The following CDC25C variants were observed in gnomAD, a reference collection of about 807,000 sequenced individuals.
CDC25C encodes the protein cell division cycle 25C.
CDC25C carries 48 observed loss-of-function variants against 52.5 expected under a neutral mutation model. That is an observed-to-expected ratio of 0.91 (90% CI 0.72 to 1.16). The LOEUF (loss-of-function observed/expected upper bound fraction) is 1.16, where lower values mean the gene tolerates loss of function less well. Among genes scored for constraint, CDC25C ranks in the 50% most tolerant of loss-of-function variants. CDC25C has a pLI of 0.00. For synonymous variants in CDC25C, 187 were observed against 206.5 expected (o/e 0.91, Z 0.81); for missense variants, 510 against 566.1 (o/e 0.90, Z 1.01).
At chr5:138,332,056 G>A (rs1229506637), upstream of CDC25C, 1 of 231,664 alleles carries the variant, frequency 4.3e-6, no homozygotes, top group East Asian at 1.8e-4. Flanking sequence ...TCCGCCTCAC[G>A]GGGAGCCTGG....
At chr5:138,327,780 A>G (rs1760011318) in intron 4 of CDC25C, among the ~76,000 whole-genome samples, 1 of 152,248 alleles carries the variant, frequency 6.6e-6, no homozygotes, top group South Asian at 2.1e-4. Flanking sequence ...AATGAAGTTA[A>G]AAAAAACTTG....
chr5:138,292,533 G>GGACATT, intron 7 of CDC25C, among the ~76,000 whole-genome samples: 1 of 146,334 alleles, frequency 6.8e-6, no homozygotes, highest in Non-Finnish European at 1.5e-5. Flanking sequence ...TGGGATCCTA[G>GGACATT]GACATTGACA....
intron 7 of CDC25C, among the ~76,000 whole-genome samples, chr5:138,296,322 A>T (rs1382474092): frequency 1.3e-5 from 2 of 151,474 alleles, no homozygotes; most frequent in East Asian, 1.9e-4. Flanking sequence ...TGCAACCTCT[A>T]CCTCCTGAGT....
intron 7 of CDC25C, among the ~76,000 whole-genome samples, chr5:138,307,950 T>TAGATTCTC (rs1758151218): frequency 6.6e-6 from 1 of 152,132 alleles, no homozygotes; most frequent in South Asian, 2.1e-4. Context: ...AGGCATTAGT[T>TAGATTCTC]AGATTCTCAG....
At chr5:138,322,102 C>G (rs934160432) in intron 6 of CDC25C, among the ~76,000 whole-genome samples, 2 of 144,740 alleles carry the variant, frequency 1.4e-5, no homozygotes, top group Non-Finnish European at 3.0e-5. Flanking sequence ...CCCGGGTTCA[C>G]GCCATTCTCC....
chr5:138,330,475 C>T (rs771299800), intron 2 of CDC25C, among the ~76,000 whole-genome samples: 1 of 152,130 alleles, frequency 6.6e-6, no homozygotes, highest in Admixed American at 6.6e-5. Flanking sequence ...CTCACAAGAT[C>T]CTAGTAAGAT....
intron 7 of CDC25C, among the ~76,000 whole-genome samples, chr5:138,316,343 G>T (rs1011011013): frequency 2.6e-5 from 4 of 152,176 alleles, no homozygotes; most frequent in African/African-American, 7.2e-5. Flanking sequence ...CTGCCACCTT[G>T]ACCCCCTCTA....
intron 1 of CDC25C, chr5:138,337,478 A>C (rs3756766): frequency 0.7 from 109,374 of 155,426 alleles, 38,957 homozygotes; most frequent in East Asian, 0.86. Context: ...ACCTCCCCCC[A>C]GGCAAACGCA....
rs1759144652 is a variant in CDC25C, at chr5:138,319,206, C to G, written c.615+13G>C. The stretch of plus-strand genomic sequence containing the variant: ...TATGAAGAATACAAAGATACTACCA[C>G]AGAACACTTTACCTTTGCTTCTTGA... On this transcript the variant is annotated intron_variant, in intron 7 of 13. Transcript: ENST00000323760. 1 of 1,604,056 alleles carries G rather than the reference C, an allele frequency of 6.2e-7. No individual in the cohort carries two copies. The highest frequency in any genetic ancestry group is 8.5e-7 in the Non-Finnish European group (1 of 1,172,550).
intron 7 of CDC25C, among the ~76,000 whole-genome samples, chr5:138,302,000 C>T (rs1485359524): frequency 6.8e-6 from 1 of 146,576 alleles, no homozygotes; most frequent in African/African-American, 2.5e-5. Flanking sequence ...TCACTGTGCC[C>T]GGCCTTTTTA....
intron 7 of CDC25C, among the ~76,000 whole-genome samples, chr5:138,300,006 T>C (rs1039638180): frequency 1.7e-4 from 26 of 152,142 alleles, no homozygotes; most frequent in African/African-American, 6.3e-4. Context: ...ATGAGACCAC[T>C]TAGATGAAAT....
chr5:138,299,347 T>G (rs1757461821), intron 7 of CDC25C, among the ~76,000 whole-genome samples: 1 of 149,508 alleles, frequency 6.7e-6, no homozygotes, highest in Non-Finnish European at 1.5e-5. Flanking sequence ...AATACAAAAA[T>G]TAGCCAGGCG....
chr5:138,337,906 G>C (rs1475053650), intron 1 of CDC25C: 1 of 1,236,416 alleles, frequency 8.1e-7, no homozygotes, highest in Non-Finnish European at 1.1e-6. Flanking sequence ...GTGGGAGGCT[G>C]CAGTTGGGCC....
At chr5:138,317,186 T>C (rs931173109) in intron 7 of CDC25C, among the ~76,000 whole-genome samples, 2 of 151,582 alleles carry the variant, frequency 1.3e-5, no homozygotes, top group African/African-American at 2.4e-5. Context: ...GCCCAGGAGT[T>C]CAACACTGCA....
intron 4 of CDC25C, among the ~76,000 whole-genome samples, chr5:138,327,474 T>C (rs1291140470): frequency 2.6e-5 from 4 of 150,982 alleles, no homozygotes; most frequent in African/African-American, 9.7e-5. Flanking sequence ...TTTGTATTAC[T>C]AAAATACAAA....
At chr5:138,331,368 TCAC>T in intron 1 of CDC25C, 150 bp from the exon 2 acceptor site, 1 of 707,372 alleles carries the variant, frequency 1.4e-6, no homozygotes, top group Non-Finnish European at 2.3e-6. Context: ...GAACCTGAAT[TCAC>T]CGACGAGAGG....
In CDC25C at chr5:138,286,128, C is replaced by A. The variant is rs537183556; in HGVS notation, c.1166G>T (p.Arg389Leu). ...AGACCTGTCCTCTTCACGCAGACAG[C>A]GGCACCTTTAGAGAGAACCCAGAGA... is the stretch of plus-strand genomic sequence containing the variant. ...FSSERGPRMC[R>L]CLREEDRSLN... is the part of the protein sequence containing the mutation. The change falls in exon 13 of 14, where the codon CGC becomes CTC. Residue 389 changes from arginine (R) to leucine (L), a missense_variant. Coordinates refer to ENST00000323760, the MANE Select transcript of CDC25C (RefSeq NM_001790.5). The A allele has an allele frequency of 8.1e-6, 13 of 1,612,618 alleles. No individual in the cohort carries two copies. In the East Asian group the frequency reaches 2.2e-4, roughly 28 times the overall value.
chr5:138,319,811 C>T (rs1759203299), intron 6 of CDC25C, among the ~76,000 whole-genome samples: 1 of 152,128 alleles, frequency 6.6e-6, no homozygotes, highest in Non-Finnish European at 1.5e-5. Context: ...TATGGAAATG[C>T]ATATGAAAAT....
chr5:138,332,013 G>C (rs1264956287), upstream of CDC25C: 1 of 634,464 alleles, frequency 1.6e-6, no homozygotes, highest in Non-Finnish European at 2.0e-6. Flanking sequence ...ATAGTGTTTG[G>C]CCCACCAGCG....
Sources: allele counts gnomAD v4.1 joint callset (sites outside exome capture counted in the v4.1 genomes callset), GRCh38; gene constraint gnomAD v4.1.1; transcripts MANE v1.5; gene names NCBI Gene and HGNC (gene_info 2026-07-23, HGNC 2026-07-21).